Variants in EIF4ENIF1 observed in about 807,000 individuals in gnomAD.
EIF4ENIF1 encodes the protein eukaryotic translation initiation factor 4E transporter.
In EIF4ENIF1, 23 loss-of-function variants were observed where a neutral mutation model predicts 110.5. That is an observed-to-expected ratio of 0.21 (90% confidence interval 0.15 to 0.29). The LOEUF (loss-of-function observed/expected upper bound fraction) is 0.29, where lower values mean the gene tolerates loss of function less well. Among genes scored for constraint, EIF4ENIF1 ranks in the 10% least tolerant of loss-of-function variants. The pLI is 1.00. For missense variants in EIF4ENIF1, 1,031 were observed against 1,221.1 expected, an observed-to-expected ratio of 0.84 and a Z score of 2.32; for synonymous variants, 440 against 437.0, an observed-to-expected ratio of 1.01 and a Z score of -0.09.
At position 31,440,132 on chromosome 22, in the gene EIF4ENIF1, A is replaced by G. The variant is rs780599640; in HGVS notation, c.2717-11T>C. On this transcript the variant is annotated splice_polypyrimidine_tract_variant and intron_variant, in intron 18 of 18. Coordinates refer to ENST00000330125, the MANE Select transcript of EIF4ENIF1 (RefSeq NM_019843.4). ...CTGGAGGATGCAGAACTGTGGAGAT[A>G]AGAAGGGTTATCATTCACAGCATGA... 13 of 1,614,126 alleles carry G rather than the reference A, an allele frequency of 8.1e-6. No homozygotes were observed. In the South Asian group the frequency reaches 1.4e-4, roughly 18 times the overall value.
intron 2 of EIF4ENIF1, among the ~76,000 whole-genome samples, chr22:31,485,094 G>A (rs1277262907): frequency 6.6e-6 from 1 of 152,190 alleles, no homozygotes; most frequent in African/African-American, 2.4e-5. Context: ...AATTACTAGA[G>A]TGTTGAAAAC....
chr22:31,441,443 G>A (rs1569060770), intron 17 of EIF4ENIF1, among the ~76,000 whole-genome samples: 1 of 151,150 alleles, frequency 6.6e-6, no homozygotes, highest in Non-Finnish European at 1.5e-5. Flanking sequence ...GGGAGGCTGA[G>A]GCAGGAGAAT....
At chr22:31,444,777 G>T in intron 14 of EIF4ENIF1, 87 bp from the exon 15 acceptor site, 1 of 1,243,290 alleles carries the variant, frequency 8.0e-7, no homozygotes, top group Non-Finnish European at 1.2e-6. Flanking sequence ...CAGCCTAGAA[G>T]TTTTAACATC....
intron 14 of EIF4ENIF1, among the ~76,000 whole-genome samples, chr22:31,445,953 G>A (rs1177940552): frequency 2.1e-5 from 2 of 97,448 alleles, no homozygotes; most frequent in South Asian, 3.9e-4. Flanking sequence ...GTTACGTACC[G>A]CCCCCCCCCC....
chr22:31,458,411 C>T, intron 7 of EIF4ENIF1, 64 bp downstream of exon 7: 2 of 1,354,598 alleles, frequency 1.5e-6, no homozygotes, highest in Non-Finnish European at 1.9e-6. Flanking sequence ...CACTTTCAAA[C>T]CGATGTCTTA....
In EIF4ENIF1 at chr22:31,455,851, C is replaced by T. The variant is rs763951247; in HGVS notation, c.1099+1G>A. The stretch of plus-strand genomic sequence containing the variant: ...AAGGGCAGAATCTGAAGCCATTTTA[C>T]CTGCAAGTCTCTCTAGCTCTTCATG... On this transcript the variant is annotated splice_donor_variant, in intron 8 of 18. Coordinates refer to ENST00000330125, the MANE Select transcript of EIF4ENIF1 (RefSeq NM_019843.4). LOFTEE classifies it high-confidence loss of function. 6.2e-7 allele frequency: 1 copy of T among 1,613,680 alleles called. No homozygotes were observed. Among genetic ancestry groups the T allele is most frequent in the Non-Finnish European group, 8.5e-7 (1 of 1,179,844 alleles).
intron 14 of EIF4ENIF1, among the ~76,000 whole-genome samples, chr22:31,446,301 T>TAAAAAAAAA (rs2050474582): frequency 2.3e-5 from 1 of 44,076 alleles, no homozygotes; most frequent in Non-Finnish European, 4.9e-5. Context: ...AAAAAAAAAG[T>TAAAAAAAAA]TAAAAGTACT....
In EIF4ENIF1 at chr22:31,463,600, C is replaced by T. The variant is rs534068825; in HGVS notation, c.585+81G>A. On this transcript the variant is annotated intron_variant, in intron 5 of 18. Coordinates refer to ENST00000330125, the MANE Select transcript of EIF4ENIF1 (RefSeq NM_019843.4). ...GGCTGAGGCAGCAGTGAGTCAAGAT[C>T]GTGCCATTGCACTCCAGCCTGGGCA... The T allele has an allele frequency of 1.7e-4, 234 of 1,344,552 alleles. 1 individual carries two copies. The East Asian group carries it at 2.7e-3, about 16-fold the overall frequency. 83.3% of individuals were successfully genotyped at this position (1,344,552 alleles called of 1,614,324 possible). A position where few individuals can be genotyped will look rare whatever the true frequency, so the allele number is the denominator to read the frequency against.
chr22:31,458,450 T>G, intron 7 of EIF4ENIF1, 25 bp downstream of exon 7: 1 of 1,362,500 alleles, frequency 7.3e-7, no homozygotes, highest in Non-Finnish European at 9.5e-7. Flanking sequence ...AACCACACAT[T>G]TTTTAAGTGT....
chr22:31,443,698 C>T (rs921030108), intron 15 of EIF4ENIF1, among the ~76,000 whole-genome samples: 5 of 151,932 alleles, frequency 3.3e-5, no homozygotes, highest in Admixed American at 2.0e-4. Context: ...TCAAGGTCAC[C>T]GGTGCAAAGA....
chr22:31,449,605 C>T, intron 11 of EIF4ENIF1, 74 bp from the exon 12 acceptor site: 2 of 1,402,186 alleles, frequency 1.4e-6, no homozygotes, highest in South Asian at 1.4e-5. Context: ...TATGGATTAA[C>T]TTTTGAGAGC....
intron 10 of EIF4ENIF1, among the ~76,000 whole-genome samples, chr22:31,452,713 A>G (rs941923944): frequency 1.3e-5 from 2 of 152,240 alleles, no homozygotes; most frequent in African/African-American, 4.8e-5. Context: ...ACCATCTTTC[A>G]GTCTGATCTT....
At chr22:31,476,651 T>C (rs2051582738) in intron 2 of EIF4ENIF1, among the ~76,000 whole-genome samples, 1 of 152,036 alleles carries the variant, frequency 6.6e-6, no homozygotes, top group Non-Finnish European at 1.5e-5. Flanking sequence ...TCACAGCACT[T>C]TGGGAGGCCA....
intron 6 of EIF4ENIF1, among the ~76,000 whole-genome samples, chr22:31,460,503 C>T (rs192633329): frequency 1.3e-4 from 19 of 150,642 alleles, no homozygotes; most frequent in African/African-American, 2.0e-4. Flanking sequence ...TGTGTTGGCA[C>T]GCGCCTGTAG....
intron 15 of EIF4ENIF1, among the ~76,000 whole-genome samples, chr22:31,443,641 A>T (rs2050372619): frequency 6.6e-6 from 1 of 152,168 alleles, no homozygotes; most frequent in Admixed American, 6.6e-5. Context: ...GGCAGGAGAC[A>T]GGGCTTGACT....
intron 7 of EIF4ENIF1, among the ~76,000 whole-genome samples, chr22:31,456,357 G>C (rs1366774665): frequency 1.3e-5 from 2 of 151,492 alleles, no homozygotes; most frequent in Non-Finnish European, 2.9e-5. Flanking sequence ...CTGAGTAGCT[G>C]GGACTACAGG....
At chr22:31,473,799 G>C (rs1601629913) in intron 2 of EIF4ENIF1, among the ~76,000 whole-genome samples, 1 of 152,150 alleles carries the variant, frequency 6.6e-6, no homozygotes, top group South Asian at 2.1e-4. Flanking sequence ...TTTAGTTACT[G>C]CTTTCCCATT....
chr22:31,482,378 C>T (rs2051850062), intron 2 of EIF4ENIF1, among the ~76,000 whole-genome samples: 2 of 152,072 alleles, frequency 1.3e-5, no homozygotes, highest in Admixed American at 1.3e-4. Context: ...ACGTATGTAT[C>T]CTTTATAAGA....
chr22:31,440,167 T>C, intron 18 of EIF4ENIF1, 46 bp from the exon 19 acceptor site: 1 of 1,613,520 alleles, frequency 6.2e-7, no homozygotes, highest in South Asian at 1.1e-5. Flanking sequence ...AGAAGGAAAG[T>C]TTATTAGACC....
Sources: allele counts gnomAD v4.1 joint callset (sites outside exome capture counted in the v4.1 genomes callset), GRCh38; gene constraint gnomAD v4.1.1; transcripts MANE v1.5; gene names NCBI Gene and HGNC (gene_info 2026-07-23, HGNC 2026-07-21).